Variants in RABEP2 observed in about 807,000 individuals in gnomAD.
RABEP2 encodes rabaptin, RAB GTPase binding effector protein 2.
RABEP2 carries 57 observed loss-of-function variants against 74.1 expected under a neutral mutation model. That is an observed-to-expected ratio of 0.77 (90% CI 0.62 to 0.96). The LOEUF (loss-of-function observed/expected upper bound fraction) is 0.96, where lower values mean the gene tolerates loss of function less well. Ranked by LOEUF, RABEP2 falls within the 40% of genes least tolerant of loss-of-function variation. The pLI, the probability that RABEP2 is intolerant of heterozygous loss-of-function variation, is 0.00. For synonymous variants in RABEP2, 351 were observed against 344.0 expected, an observed-to-expected ratio of 1.02 and a Z score of -0.23; for missense variants, 692 against 756.3, an observed-to-expected ratio of 0.91 and a Z score of 1.00.
chr16:28,914,673 T>G lies in RABEP2; in HGVS notation c.542A>C (p.Gln181Pro), dbSNP rs1432737329. 2.5e-6 allele frequency: 4 copies of G among 1,613,948 alleles called. No individual in the cohort carries two copies. Among genetic ancestry groups the G allele is most frequent in the Non-Finnish European group, 3.4e-6 (4 of 1,179,948 alleles). Residue 181 changes from glutamine (Q) to proline (P), a missense_variant and splice_region_variant, in exon 4 of 13, where the codon CAG becomes CCG. By Grantham distance (76) the Gln-to-Pro change is moderately conservative (BLOSUM62 -1). Transcript: ENST00000358201. ...LRAEELIQEI[Q>P]RRPRHAPSLH... ...AGCGCCCCCTGGCCGTGCCCTCACCTGGATCTCCTGAATCAGCTCCTCGGC... is the reference window on the plus strand; with the variant it reads ...AGCGCCCCCTGGCCGTGCCCTCACCGGGATCTCCTGAATCAGCTCCTCGGC...
intron 2 of RABEP2, among the ~76,000 whole-genome samples, chr16:28,922,485 G>T (rs1382212851): frequency 1.3e-5 from 2 of 152,144 alleles, no homozygotes; most frequent in Admixed American, 1.3e-4. Context: ...ACTCTGGGAG[G>T]TCGAGGCAGG....
At position 28,924,602 on chromosome 16, in the gene RABEP2, G is replaced by C; in HGVS notation, c.75C>G (p.Ser25=). Residue 25 remains serine (S), a synonymous_variant, in exon 2 of 13, where the codon TCC becomes TCG. Transcript: ENST00000358201. ...RRRPGAALED[S]RSQEGANGEA... Reference sequence around the variant, plus strand: ...CACCATTTGCCCCTTCCTGGGACCGGGAGTCCTCCAGTGCTGTGGGGGACA... The same window carrying C: ...CACCATTTGCCCCTTCCTGGGACCGCGAGTCCTCCAGTGCTGTGGGGGACA... 6.2e-7 allele frequency: 1 copy of C among 1,610,770 alleles called. No homozygotes were observed. The highest frequency in any genetic ancestry group is 2.2e-5 in the East Asian group (1 of 44,866).
chr16:28,915,795 C>A (rs1596701199), intron 3 of RABEP2, among the ~76,000 whole-genome samples: 3 of 151,766 alleles, frequency 2.0e-5, no homozygotes, highest in Admixed American at 2.0e-4. Context: ...CTCAGCCTCC[C>A]AAAGTGCTGG....
rs763870177 is a variant in RABEP2 at position 28,906,120 on chromosome 16, C to T, written c.1322G>A (p.Arg441His). ...RLQAQEHGAE[R>H]LRIEIVTLRE... ...CAGCGTCACGATCTCGATCCGCAGG[C>T]GCTCGGCCCCGTGCTCCTGGGCCTG... The change falls in exon 9 of 13, where the codon CGC becomes CAC. Residue 441 changes from arginine to histidine, a missense_variant. Arg to His is a conservative substitution (Grantham distance 29). Transcript: ENST00000358201. 1.1e-5 allele frequency: 17 copies of T among 1,572,052 alleles called. No homozygotes were observed. The African/African-American group carries it at 1.6e-4, about 15-fold the overall frequency.
At chr16:28,916,143 A>T (rs1260520746) in intron 3 of RABEP2, 1 of 152,188 alleles carries the variant, frequency 6.6e-6, no homozygotes, top group African/African-American at 2.4e-5. Context: ...GGCATGAGCC[A>T]CCGTGCCTGG....
Position 28,911,115 on chromosome 16 carries a change from A to G in RABEP2, c.959T>C (p.Leu320Pro). ...GGCACAGTCCTCATTGCTCCGTCTC[A>G]GGCCCTCTTGGAGCTCGTCCCGCTC... is the stretch of plus-strand genomic sequence containing the variant. ...SRERDELQEG[L>P]RRSNEDCAKQ... The change falls in exon 6 of 13, where the codon CTG becomes CCG. Residue 320 changes from leucine (L) to proline (P), a missense_variant. Leu to Pro is a moderately conservative substitution (Grantham distance 98, BLOSUM62 -3). Coordinates refer to ENST00000358201, the MANE Select transcript of RABEP2 (RefSeq NM_024816.3). The G allele has an allele frequency of 1.2e-6, 2 of 1,613,292 alleles. No homozygotes were observed. Among genetic ancestry groups the G allele is most frequent in the Non-Finnish European group, 1.7e-6 (2 of 1,179,996 alleles).
rs376904477 is a variant in RABEP2, at chr16:28,906,169, G to T, written c.1273C>A (p.Arg425=). The change falls in exon 9 of 13, where the codon CGG becomes AGG. Residue 425 remains arginine (R), a synonymous_variant. Coordinates refer to ENST00000358201, the MANE Select transcript of RABEP2 (RefSeq NM_024816.3). ...TGCAGCCGGGCCCTCGCCTCTTGCC[G>T]CGTGCAGCACAGCAGCTGCTGCAGC... ...PELQQLLCCT[R]QEARARLQAQ... The T allele has an allele frequency of 1.3e-6, 2 of 1,591,252 alleles. No individual in the cohort carries two copies. The highest frequency in any genetic ancestry group is 4.5e-5 in the East Asian group (2 of 44,222).
chr16:28,915,701 C>T (rs1024819813), intron 3 of RABEP2, among the ~76,000 whole-genome samples: 9 of 151,884 alleles, frequency 5.9e-5, no homozygotes, highest in South Asian at 2.1e-4. Flanking sequence ...CTCGCCACCA[C>T]GCCCGGCTAA....
intron 12 of RABEP2, 48 bp downstream of exon 12, chr16:28,905,349 C>T: frequency 1.4e-6 from 2 of 1,392,560 alleles, no homozygotes; most frequent in Non-Finnish European, 2.0e-6. Flanking sequence ...CAGGAGAGGT[C>T]ACCCGGAGTG....
chr16:28,922,063 T>G (rs1033636534), intron 2 of RABEP2, among the ~76,000 whole-genome samples: 12 of 152,042 alleles, frequency 7.9e-5, no homozygotes, highest in African/African-American at 2.9e-4. Flanking sequence ...CCTTAAACTC[T>G]TGGGCTCAAG....
At chr16:28,911,229 C>A in intron 5 of RABEP2, 50 bp from the exon 6 acceptor site, 1 of 1,559,602 alleles carries the variant, frequency 6.4e-7, no homozygotes, top group East Asian at 2.3e-5. Context: ...CTTGGCCCCC[C>A]TCACCACACT....
At chr16:28,905,797 C>T (rs1208358015) in intron 10 of RABEP2, 38 bp from the exon 11 acceptor site, 4 of 1,613,946 alleles carry the variant, frequency 2.5e-6, no homozygotes, top group African/African-American at 2.7e-5. Flanking sequence ...CAGGGCCATG[C>T]CCTCTCCCTT....
intron 2 of RABEP2, 75 bp downstream of exon 2, chr16:28,924,328 G>T: frequency 7.1e-7 from 1 of 1,414,452 alleles, no homozygotes; most frequent in Non-Finnish European, 9.8e-7. Context: ...GCTTATCTGT[G>T]CCCCCAATCC....
At chr16:28,905,253 T>C in intron 12 of RABEP2, 144 bp downstream of exon 12, 1 of 707,754 alleles carries the variant, frequency 1.4e-6, no homozygotes, top group Non-Finnish European at 2.3e-6. Context: ...TTTCAGGGTT[T>C]TTTGAGTAAC....
At chr16:28,905,120 G>A in intron 12 of RABEP2, 76 bp from the exon 13 acceptor site, 2 of 1,284,144 alleles carry the variant, frequency 1.6e-6, no homozygotes, top group Non-Finnish European at 2.2e-6. Flanking sequence ...AGCCCCCAAG[G>A]GCGGGGCCTG....
chr16:28,924,442 A>C lies in RABEP2; in HGVS notation c.235T>G (p.Cys79Gly). 5 of 1,613,584 alleles carry C rather than the reference A, an allele frequency of 3.1e-6. No homozygotes were observed. The highest frequency in any genetic ancestry group is 4.2e-6 in the Non-Finnish European group (5 of 1,179,970). The part of the protein sequence containing the change: ...AEAVAAVQRQ[C>G]QEEVASLQAI... ...TGCAGCGAGGCCACCTCCTCTTGGC[A>C]CTGCCGCTGCACCGCAGCCACAGCC... Residue 79 changes from cysteine to glycine, a missense_variant, in exon 2 of 13, where the codon TGC becomes GGC. Physicochemically the swap from Cys to Gly is radical, Grantham distance 159. Coordinates refer to ENST00000358201, the MANE Select transcript of RABEP2 (RefSeq NM_024816.3).
chr16:28,911,733 G>C lies in RABEP2; in HGVS notation c.895-554C>G, dbSNP rs374576389. 2.6e-5 allele frequency among the ~76,000 whole-genome samples: 4 copies of C among 151,776 alleles called. No homozygotes were observed. In the East Asian group the frequency reaches 7.7e-4, roughly 29 times the overall value. ...ACCACTTTGGGAGGCTGAGGTGGGT[G>C]GTCAGGAGTTCAAGACCAGCCTGAC... On this transcript the variant is annotated intron_variant, in intron 5 of 12. Coordinates refer to ENST00000358201, the MANE Select transcript of RABEP2 (RefSeq NM_024816.3).
At chr16:28,908,562 G>A in intron 8 of RABEP2, 47 bp downstream of exon 8, 2 of 1,544,618 alleles carry the variant, frequency 1.3e-6, no homozygotes, top group Non-Finnish European at 1.7e-6. Flanking sequence ...TGGGAAGAAG[G>A]GGCCCTCACG....
At chr16:28,910,748 C>T in intron 7 of RABEP2, 140 bp downstream of exon 7, 1 of 720,818 alleles carries the variant, frequency 1.4e-6, no homozygotes, top group Non-Finnish European at 2.3e-6. Flanking sequence ...TCTTACCTAC[C>T]TGGCACCGGT....
Sources: allele counts gnomAD v4.1 joint callset (sites outside exome capture counted in the v4.1 genomes callset), GRCh38; gene constraint gnomAD v4.1.1; transcripts MANE v1.5; gene names NCBI Gene and HGNC (gene_info 2026-07-23, HGNC 2026-07-21).